Variants in CYP7B1 observed in about 807,000 individuals in gnomAD.
The protein encoded by CYP7B1 is cytochrome P450 family 7 subfamily B member 1, also known as cytochrome P450 7B1.
Under a neutral mutation model 42.7 loss-of-function variants are expected in CYP7B1, and 29 were observed. The observed-to-expected ratio is 0.68, with a 90% CI of 0.51 to 0.93. The LOEUF is 0.93. CYP7B1 is among the 40% of genes least tolerant of loss of function. The pLI, the probability that CYP7B1 is intolerant of heterozygous loss-of-function variation, is 0.00. For synonymous variants in CYP7B1, 235 were observed against 218.2 expected (o/e 1.08, Z -0.68); for missense variants, 655 against 600.5 (o/e 1.09, Z -0.95).
chr8:64,777,673 A>C (rs890124539), intron 1 of CYP7B1, among the ~76,000 whole-genome samples: 3 of 152,098 alleles, frequency 2.0e-5, no homozygotes, highest in African/African-American at 7.2e-5. Flanking sequence ...TTACCCATGG[A>C]ATAAGTTAGA....
intron 1 of CYP7B1, among the ~76,000 whole-genome samples, chr8:64,765,447 C>G (rs747477043): frequency 1.3e-5 from 2 of 152,190 alleles, no homozygotes; most frequent in Non-Finnish European, 2.9e-5. Context: ...GATGGGGCAA[C>G]TGGGCTGTTA....
chr8:64,798,557 G>C lies in CYP7B1; in HGVS notation c.31C>G (p.Arg11Gly). 1 of 1,491,510 alleles carries C rather than the reference G, an allele frequency of 6.7e-7. No individual in the cohort carries two copies. The highest frequency in any genetic ancestry group is 8.9e-7 in the Non-Finnish European group (1 of 1,129,896). The allele number at this position is 1,491,510 out of a possible 1,614,324, so 92.4% of individuals were successfully genotyped here. Reference sequence around the variant, plus strand: ...AGGCCCAACCGCTCCAGCGAAAAGCGGCCCGTGGCCGCGGACACTTCTCCT... The same window carrying C: ...AGGCCCAACCGCTCCAGCGAAAAGCCGCCCGTGGCCGCGGACACTTCTCCT... MAGEVSAATG[R>G]FSLERLGLPG... Residue 11 changes from arginine to glycine, a missense_variant, in exon 1 of 6, where the codon CGC becomes GGC. Transcript: ENST00000310193.
In CYP7B1 at chr8:64,724,842, C is replaced by T. The variant is rs1014072416; in HGVS notation, c.122+73624G>A. Among the ~76,000 whole-genome samples, 5 of 152,166 alleles carry T rather than the reference C, an allele frequency of 3.3e-5. No individual in the cohort carries two copies. In the South Asian group the frequency reaches 1.0e-3, roughly 32 times the overall value. ...AGGTGAGTCAGAATAAACAGAATTCCTCTTCCCCAAGGCAGTTCCCCTTTT... is the reference window on the plus strand; with the variant it reads ...AGGTGAGTCAGAATAAACAGAATTCTTCTTCCCCAAGGCAGTTCCCCTTTT... On this transcript the variant is annotated intron_variant, in intron 1 of 5. Coordinates refer to ENST00000310193, the MANE Select transcript of CYP7B1 (RefSeq NM_004820.5).
At chr8:64,684,959 A>G (rs1806597258) in intron 1 of CYP7B1, among the ~76,000 whole-genome samples, 1 of 152,238 alleles carries the variant, frequency 6.6e-6, no homozygotes. Context: ...TGGAGAAATC[A>G]GAGCCTTCAC....
At chr8:64,640,085 G>T (rs1281156583) in intron 1 of CYP7B1, among the ~76,000 whole-genome samples, 1 of 152,062 alleles carries the variant, frequency 6.6e-6, no homozygotes, top group African/African-American at 2.4e-5. Flanking sequence ...GAAATTTTTT[G>T]AAAAGATAAA....
At chr8:64,615,513 C>T (rs1337228683) in intron 3 of CYP7B1, among the ~76,000 whole-genome samples, 178 bp downstream of exon 3, 1 of 149,644 alleles carries the variant, frequency 6.7e-6, no homozygotes, top group Non-Finnish European at 1.5e-5. Flanking sequence ...TGTTTTACCA[C>T]CTCAGCAAAA....
At chr8:64,652,810 C>T (rs1268113443) in intron 1 of CYP7B1, among the ~76,000 whole-genome samples, 1 of 152,174 alleles carries the variant, frequency 6.6e-6, no homozygotes, top group African/African-American at 2.4e-5. Context: ...TGCCACTGCA[C>T]TCCAGCCTGG....
chr8:64,629,294 C>T (rs1805654358), intron 1 of CYP7B1, among the ~76,000 whole-genome samples: 1 of 149,220 alleles, frequency 6.7e-6, no homozygotes, highest in South Asian at 2.1e-4. Flanking sequence ...GTAATTTCTT[C>T]TTTTCCACTT....
intron 1 of CYP7B1, among the ~76,000 whole-genome samples, chr8:64,704,985 C>T (rs1389618394): frequency 6.6e-6 from 1 of 151,918 alleles, no homozygotes; most frequent in Non-Finnish European, 1.5e-5. Flanking sequence ...TCTCTGTGGC[C>T]TACTCAGTAA....
At chr8:64,780,622 T>C (rs1804406181) in intron 1 of CYP7B1, among the ~76,000 whole-genome samples, 1 of 152,180 alleles carries the variant, frequency 6.6e-6, no homozygotes, top group Non-Finnish European at 1.5e-5. Flanking sequence ...ATAATAGATG[T>C]CACCTTCTCT....
chr8:64,774,200 A>T (rs914161428), intron 1 of CYP7B1, among the ~76,000 whole-genome samples: 1 of 152,200 alleles, frequency 6.6e-6, no homozygotes, highest in Admixed American at 6.5e-5. Context: ...TATCCTGATT[A>T]CCTAGCATAT....
intron 1 of CYP7B1, among the ~76,000 whole-genome samples, chr8:64,786,438 T>A (rs540241699): frequency 2.8e-4 from 42 of 152,264 alleles, no homozygotes; most frequent in African/African-American, 9.9e-4. Context: ...CCCATGCAAG[T>A]CCAAAAACCA....
chr8:64,791,565 C>A (rs761458968), intron 1 of CYP7B1, among the ~76,000 whole-genome samples: 6 of 152,112 alleles, frequency 3.9e-5, no homozygotes, highest in Non-Finnish European at 7.4e-5. Flanking sequence ...TTGGTGGCCT[C>A]CAGACGCTGG....
intron 1 of CYP7B1, among the ~76,000 whole-genome samples, chr8:64,715,290 C>G (rs946620008): frequency 2.6e-5 from 4 of 152,254 alleles, no homozygotes; most frequent in South Asian, 2.1e-4. Context: ...AAAAGAATAA[C>G]TAATCTTTTG....
chr8:64,729,586 C>G (rs1807378477), intron 1 of CYP7B1, among the ~76,000 whole-genome samples: 1 of 152,156 alleles, frequency 6.6e-6, no homozygotes. Context: ...TAATATTTAT[C>G]CAGCATAGTG....
chr8:64,670,979 T>C (rs910471433), intron 1 of CYP7B1, among the ~76,000 whole-genome samples: 2 of 152,152 alleles, frequency 1.3e-5, no homozygotes, highest in Admixed American at 1.3e-4. Context: ...TCTTCCCACC[T>C]GGGTCATAGA....
At chr8:64,763,433 C>G (rs1236037877) in intron 1 of CYP7B1, among the ~76,000 whole-genome samples, 3 of 152,238 alleles carry the variant, frequency 2.0e-5, no homozygotes, top group Non-Finnish European at 4.4e-5. Context: ...GTCTTGGGAA[C>G]TCTAACAACA....
At chr8:64,706,471 T>C (rs1243650802) in intron 1 of CYP7B1, among the ~76,000 whole-genome samples, 1 of 152,026 alleles carries the variant, frequency 6.6e-6, no homozygotes, top group Non-Finnish European at 1.5e-5. Context: ...GGATCTTAAT[T>C]CTAATGAAAC....
chr8:64,589,067 C>A (rs966689857), downstream of CYP7B1, among the ~76,000 whole-genome samples: 1 of 152,150 alleles, frequency 6.6e-6, no homozygotes, highest in Non-Finnish European at 1.5e-5. Context: ...AAAGTAAGCT[C>A]CTTTAAAAGT....
Sources: gnomAD v4.1 joint callset for allele counts (sites outside exome capture counted in the v4.1 genomes callset) on GRCh38, gnomAD v4.1.1 for gene constraint, MANE v1.5 for transcripts, NCBI Gene and HGNC (gene_info 2026-07-23, HGNC 2026-07-21) for gene names.